Variants in CCDC7 observed in about 807,000 individuals in gnomAD.
CCDC7 encodes coiled-coil domain-containing protein 7.
In CCDC7, 183 loss-of-function variants were observed where a neutral mutation model predicts 196.9. The ratio of observed to expected loss-of-function variants is 0.93; its 90% CI spans 0.82 to 1.05. The LOEUF is 1.05. Among genes scored for constraint, CCDC7 ranks in the 50% least tolerant of loss-of-function variants. The pLI, the probability that CCDC7 is intolerant of heterozygous loss-of-function variation, is 0.00. For synonymous variants in CCDC7, 525 were observed against 484.6 expected (o/e 1.08, Z -1.10); for missense variants, 1,540 against 1,482.2 (o/e 1.04, Z -0.64).
chr10:32,478,429 T>A (rs1321164871), intron 8 of CCDC7, among the ~76,000 whole-genome samples: 1 of 151,950 alleles, frequency 6.6e-6, no homozygotes, highest in South Asian at 2.1e-4. Context: ...AAGTATGATG[T>A]TAGCTATAAA....
At chr10:32,478,435 A>G (rs1245866107) in intron 8 of CCDC7, among the ~76,000 whole-genome samples, 2 of 152,192 alleles carry the variant, frequency 1.3e-5, no homozygotes, top group African/African-American at 2.4e-5. Context: ...GATGTTAGCT[A>G]TAAACTTTCT....
intron 26 of CCDC7, 21 bp from the exon 28 acceptor site, chr10:32,728,866 T>A: frequency 7.4e-7 from 1 of 1,349,694 alleles, no homozygotes; most frequent in Non-Finnish European, 1.1e-6. Context: ...TTTGATGGAC[T>A]AAATGCATCT....
At chr10:32,779,490 G>A (rs1227426926) in intron 29 of CCDC7, among the ~76,000 whole-genome samples, 1 of 152,186 alleles carries the variant, frequency 6.6e-6, no homozygotes, top group South Asian at 2.1e-4. Context: ...TGGCTGCCTT[G>A]TGATGTGCTT....
chr10:32,868,162 A>G (rs917413828), intron 41 of CCDC7, among the ~76,000 whole-genome samples: 3 of 151,868 alleles, frequency 2.0e-5, no homozygotes, highest in Admixed American at 6.6e-5. Flanking sequence ...TTAATTATTC[A>G]TCCATCAGCT....
intron 31 of CCDC7, among the ~76,000 whole-genome samples, chr10:32,820,785 A>C (rs1337243061): frequency 3.3e-5 from 5 of 152,298 alleles, no homozygotes; most frequent in African/African-American, 7.2e-5. Flanking sequence ...GAAACTAGAT[A>C]GCTTCCTTAC....
chr10:32,714,557 C>T (rs996864142), intron 25 of CCDC7, among the ~76,000 whole-genome samples: 11 of 152,132 alleles, frequency 7.2e-5, no homozygotes, highest in African/African-American at 1.9e-4. Context: ...CAGAACCATT[C>T]GCTCCCCTGG....
At chr10:32,613,531 CT>C (rs2062423354) in intron 18 of CCDC7, among the ~76,000 whole-genome samples, 1 of 152,110 alleles carries the variant, frequency 6.6e-6, no homozygotes, top group South Asian at 2.1e-4. Flanking sequence ...ATCTTTCCTG[CT>C]TTCTCATGTG....
At chr10:32,496,073 C>G (rs927969303) in intron 9 of CCDC7, among the ~76,000 whole-genome samples, 3 of 152,062 alleles carry the variant, frequency 2.0e-5, no homozygotes, top group Non-Finnish European at 4.4e-5. Flanking sequence ...TTTCCTTGAG[C>G]TGTGGTTTGT....
At chr10:32,510,518 G>A (rs1229738697) in intron 9 of CCDC7, among the ~76,000 whole-genome samples, 1 of 152,104 alleles carries the variant, frequency 6.6e-6, no homozygotes, top group Non-Finnish European at 1.5e-5. Context: ...TTGGAAATGA[G>A]GATCTCTTTG....
intron 8 of CCDC7, among the ~76,000 whole-genome samples, chr10:32,486,883 C>T (rs1363020473): frequency 6.6e-6 from 1 of 151,804 alleles, no homozygotes; most frequent in Non-Finnish European, 1.5e-5. Context: ...ATGGGCTTCC[C>T]TTTGTTGGTA....
intron 13 of CCDC7, among the ~76,000 whole-genome samples, chr10:32,557,326 G>C (rs2370782): frequency 6.7e-6 from 1 of 150,122 alleles, no homozygotes; most frequent in Non-Finnish European, 1.5e-5. Flanking sequence ...TTTTACGTGA[G>C]CATGATTTTC....
intron 29 of CCDC7, among the ~76,000 whole-genome samples, chr10:32,804,783 G>A (rs1480512536): frequency 6.6e-6 from 1 of 152,098 alleles, no homozygotes; most frequent in African/African-American, 2.4e-5. Flanking sequence ...TGTGGTCTTG[G>A]TCGAATCACT....
chr10:32,627,757 T>C (rs1182426530), intron 18 of CCDC7, among the ~76,000 whole-genome samples: 1 of 152,026 alleles, frequency 6.6e-6, no homozygotes, highest in Non-Finnish European at 1.5e-5. Context: ...CTCTTCTGCA[T>C]CTATTGAGAT....
intron 28 of CCDC7, among the ~76,000 whole-genome samples, chr10:32,730,990 T>C (rs2083871482): frequency 6.6e-6 from 1 of 152,140 alleles, no homozygotes; most frequent in Non-Finnish European, 1.5e-5. Flanking sequence ...GTCATTTACA[T>C]TTATTTCTTG....
intron 18 of CCDC7, among the ~76,000 whole-genome samples, chr10:32,610,654 T>C (rs1471950209): frequency 6.6e-6 from 1 of 152,176 alleles, no homozygotes; most frequent in Non-Finnish European, 1.5e-5. Context: ...CTCCCACTTA[T>C]GAATGAGAAC....
upstream of CCDC7, among the ~76,000 whole-genome samples, chr10:32,445,006 A>T (rs1196565165): frequency 2.6e-5 from 4 of 152,108 alleles, no homozygotes; most frequent in East Asian, 7.7e-4. Flanking sequence ...GGCACCCGCC[A>T]TCACGCCCGG....
chr10:32,827,874 G>T (rs1273152535), intron 32 of CCDC7, among the ~76,000 whole-genome samples: 2 of 152,128 alleles, frequency 1.3e-5, no homozygotes, highest in African/African-American at 4.8e-5. Context: ...TATCTATAGA[G>T]AATCTCCATT....
At chr10:32,650,339 G>C (rs2068518746) in intron 20 of CCDC7, among the ~76,000 whole-genome samples, 1 of 152,202 alleles carries the variant, frequency 6.6e-6, no homozygotes, top group Admixed American at 6.5e-5. Context: ...GCAATGAGCA[G>C]TAGATAGGCT....
chr10:32,498,076 C>A (rs372914942), intron 9 of CCDC7, among the ~76,000 whole-genome samples: 4 of 152,042 alleles, frequency 2.6e-5, no homozygotes, highest in African/African-American at 9.7e-5. Flanking sequence ...TCTGGGTGCT[C>A]CTGTATTGGG....
Sources: gnomAD v4.1 joint callset for allele counts (sites outside exome capture counted in the v4.1 genomes callset) on GRCh38, gnomAD v4.1.1 for gene constraint, MANE v1.5 for transcripts, NCBI Gene and HGNC (gene_info 2026-07-23, HGNC 2026-07-21) for gene names.